Variants in SNCB observed in about 807,000 individuals in gnomAD.
SNCB encodes beta-synuclein.
A neutral mutation model predicts 20.0 loss-of-function variants in SNCB; 8 were observed. The ratio of observed to expected loss-of-function variants is 0.40; its 90% confidence interval spans 0.24 to 0.72. The LOEUF (loss-of-function observed/expected upper bound fraction) is 0.72, where lower values mean the gene tolerates loss of function less well. SNCB is among the 30% of genes least tolerant of loss of function. The pLI, the probability that SNCB is intolerant of heterozygous loss-of-function variation, is 0.37. For synonymous variants in SNCB, 56 were observed against 65.4 expected (o/e 0.86, Z 0.69); for missense variants, 125 against 168.0 (o/e 0.74, Z 1.41).
At chr5:176,625,887 T>G (rs950977571) in intron 4 of SNCB, among the ~76,000 whole-genome samples, 1 of 152,128 alleles carries the variant, frequency 6.6e-6, no homozygotes, top group African/African-American at 2.4e-5. Flanking sequence ...CTCTCACCCC[T>G]TGCCTGTCTG....
Position 176,629,427 on chromosome 5 carries a change from A to T in SNCB, c.121+107T>A. 8.3e-7 allele frequency: 1 copy of T among 1,206,760 alleles called. No homozygotes were observed. Among genetic ancestry groups the T allele is most frequent in the Middle Eastern group, 2.2e-4 (1 of 4,638 alleles). The allele number at this position is 1,206,760 out of a possible 1,614,324, so 74.8% of individuals were successfully genotyped here. A position where few individuals can be genotyped will look rare whatever the true frequency, so the allele number is the denominator to read the frequency against. On this transcript the variant is annotated intron_variant, in intron 2 of 5. Transcript: ENST00000393693. The surrounding 1 kb of genome is among the most constrained non-coding windows in gnomAD (Gnocchi z 4.1). ...CCTGCTGACCTCGCCCCATCTGCTGACTCATATTCTCCTGCCCAGAACCCC... is the reference window on the plus strand; with the variant it reads ...CCTGCTGACCTCGCCCCATCTGCTGTCTCATATTCTCCTGCCCAGAACCCC...
chr5:176,624,814 AAAAC>A lies in SNCB; in HGVS notation c.282+1580_282+1583del, dbSNP rs1358197012. Among the ~76,000 whole-genome samples, 719 of 150,042 alleles carry A rather than the reference AAAAC, an allele frequency of 4.8e-3. 11 individuals carry two copies. The highest frequency in any genetic ancestry group is 0.017 in the African/African-American group (688 of 39,978). On this transcript the variant is annotated intron_variant, in intron 4 of 5. Transcript: ENST00000393693. Reference sequence around the variant, plus strand: ...CAAAACTCCGTCTCAAAAAAAAAAAAAAACAAAAAAAAACAAATGGGAAGTCATA... The same window carrying A: ...CAAAACTCCGTCTCAAAAAAAAAAAAAAAAAAAAACAAATGGGAAGTCATA...
At position 176,626,544 on chromosome 5, in the gene SNCB, G is replaced by A; in HGVS notation, c.164-28C>T. On this transcript the variant is annotated intron_variant, in intron 3 of 5. Transcript: ENST00000393693. The surrounding 1 kb of genome is among the most constrained non-coding windows in gnomAD (Gnocchi z 4.2). Reference sequence around the variant, plus strand: ...GGAGCAGGGAGGGGGTTGAGGAAGGGGTTTGGGAGCCAGGGGGAAACACCG... The same window carrying A: ...GGAGCAGGGAGGGGGTTGAGGAAGGAGTTTGGGAGCCAGGGGGAAACACCG... The A allele has an allele frequency of 6.3e-7, 1 of 1,580,990 alleles. No individual in the cohort carries two copies. Among genetic ancestry groups the A allele is most frequent in the Non-Finnish European group, 8.7e-7 (1 of 1,149,890 alleles).
Position 176,629,718 on chromosome 5 carries a change from C to G in SNCB, c.-9-55G>C, listed in dbSNP as rs1760234009. On this transcript the variant is annotated intron_variant, in intron 1 of 5. Coordinates refer to ENST00000393693, the MANE Select transcript of SNCB (RefSeq NM_003085.5). The surrounding 1 kb of genome is among the most constrained non-coding windows in gnomAD (Gnocchi z 4.1). ...CACTGGCCCCGCACTCTCACCCCAG[C>G]CCCTCCCGCGGGACGCAGATGCCCC... The G allele has an allele frequency of 5.1e-6, 8 of 1,581,078 alleles. No individual in the cohort carries two copies. In the Admixed American group the frequency reaches 1.4e-4, roughly 27 times the overall value.
In SNCB at chr5:176,621,394, A is replaced by T; in HGVS notation, c.283-91T>A. 9.6e-7 allele frequency: 1 copy of T among 1,036,618 alleles called. No homozygotes were observed. The highest frequency in any genetic ancestry group is 1.5e-6 in the Non-Finnish European group (1 of 672,220). The allele number at this position is 1,036,618 out of a possible 1,614,324, so 64.2% of individuals were successfully genotyped here. On this transcript the variant is annotated intron_variant, in intron 4 of 5. Transcript: ENST00000393693. The surrounding 1 kb of genome is among the most constrained non-coding windows in gnomAD (Gnocchi z 4.1). ...AAGCTTTGGGTGGGTTGGAGTGGGG[A>T]AGGCTAGGGTGGGTTGGCAGAGCAA...
chr5:176,626,815 C>T lies in SNCB; in HGVS notation c.122-54G>A. 6.3e-7 allele frequency: 1 copy of T among 1,591,674 alleles called. No individual in the cohort carries two copies. The highest frequency in any genetic ancestry group is 2.2e-5 in the East Asian group (1 of 44,770). ...GGACTCTGCGCTGAGGGAACAGAAA[C>T]TCCAGCACAGCATGGTGATTACAGA... On this transcript the variant is annotated intron_variant, in intron 2 of 5. Transcript: ENST00000393693. The surrounding 1 kb of genome is among the most constrained non-coding windows in gnomAD (Gnocchi z 4.2).
rs1309356770 is a variant in SNCB at position 176,626,702 on chromosome 5, C to G, written c.163+18G>C. ...CGCCTAAGTGAGAGAAGGGCTGGTG[C>G]CAGGGCTGGGCTAGTACCTGAAGCC... On this transcript the variant is annotated intron_variant, in intron 3 of 5. Coordinates refer to ENST00000393693, the MANE Select transcript of SNCB (RefSeq NM_003085.5). This position sits in a 1 kb window ranked among gnomAD's most constrained non-coding sequence, Gnocchi z 4.2. 6.2e-7 allele frequency: 1 copy of G among 1,613,608 alleles called. No individual in the cohort carries two copies.
Position 176,629,796 on chromosome 5 carries a change from C to G in SNCB, c.-9-133G>C, listed in dbSNP as rs572338093. On this transcript the variant is annotated intron_variant, in intron 1 of 5. Coordinates refer to ENST00000393693, the MANE Select transcript of SNCB (RefSeq NM_003085.5). The surrounding 1 kb of genome is among the most constrained non-coding windows in gnomAD (Gnocchi z 4.1). ...TGGACCCTGAGCCCCCTCCCGCTTT[C>G]CCCCCATCCCACCCCACTCCCCAGT... 25 of 1,221,204 alleles carry G rather than the reference C, an allele frequency of 2.0e-5. No homozygotes were observed. Among genetic ancestry groups the G allele is most frequent in the Non-Finnish European group, 2.8e-5 (25 of 897,188 alleles). The allele number at this position is 1,221,204 out of a possible 1,614,324, so 75.6% of individuals were successfully genotyped here. A position where few individuals can be genotyped will look rare whatever the true frequency, so the allele number is the denominator to read the frequency against.
intron 4 of SNCB, among the ~76,000 whole-genome samples, chr5:176,624,987 T>C (rs1759852987): frequency 6.6e-6 from 1 of 152,130 alleles, no homozygotes; most frequent in South Asian, 2.1e-4. Flanking sequence ...GATGCACTCA[T>C]GCTGAACGTA....
chr5:176,628,384 C>A (rs1760108895), intron 2 of SNCB, among the ~76,000 whole-genome samples: 1 of 152,198 alleles, frequency 6.6e-6, no homozygotes, highest in Non-Finnish European at 1.5e-5. Context: ...CTCGCCCCTG[C>A]CACCCTCATC....
At position 176,620,722 on chromosome 5, in the gene SNCB, G is replaced by T. The variant is rs991668487; in HGVS notation, c.*89C>A. On this transcript the variant is annotated 3_prime_UTR_variant, in exon 6 of 6. Coordinates refer to ENST00000393693, the MANE Select transcript of SNCB (RefSeq NM_003085.5). The surrounding 1 kb of genome is among the most constrained non-coding windows in gnomAD (Gnocchi z 4.5). Reference sequence around the variant, plus strand: ...GCGGAAGGAAGATCTCGTGATTGGGGAGAAGGAGTCTAAGGACAGCCCTGG... The same window carrying T: ...GCGGAAGGAAGATCTCGTGATTGGGTAGAAGGAGTCTAAGGACAGCCCTGG... The T allele has an allele frequency of 1.1e-6, 1 of 889,024 alleles. No individual in the cohort carries two copies. The highest frequency in any genetic ancestry group is 1.3e-5 in the South Asian group (1 of 77,060). 55.1% of individuals were successfully genotyped at this position (889,024 alleles called of 1,614,324 possible).
chr5:176,620,694 A>C lies in SNCB; in HGVS notation c.*117T>G, dbSNP rs1308307955. 1.5e-5 allele frequency: 12 copies of C among 807,834 alleles called. No homozygotes were observed. The African/African-American group carries it at 2.0e-4, about 14-fold the overall frequency. The allele number at this position is 807,834 out of a possible 1,614,324, so 50.0% of individuals were successfully genotyped here. A position where few individuals can be genotyped will look rare whatever the true frequency, so the allele number is the denominator to read the frequency against. On this transcript the variant is annotated 3_prime_UTR_variant, in exon 6 of 6. Transcript: ENST00000393693. This position sits in a 1 kb window ranked among gnomAD's most constrained non-coding sequence, Gnocchi z 4.5. The stretch of plus-strand genomic sequence containing the variant: ...ACACAGGCTCCGAGGGGGTTGCCTC[A>C]GAGCGGAAGGAAGATCTCGTGATTG...
intron 2 of SNCB, among the ~76,000 whole-genome samples, chr5:176,627,098 G>A (rs1178711910): frequency 2.6e-5 from 4 of 152,210 alleles, no homozygotes; most frequent in African/African-American, 4.8e-5. Context: ...TATTGTCCCC[G>A]TTTCACGGAT....
chr5:176,626,592 A>T lies in SNCB; in HGVS notation c.164-76T>A. ...CCGATGCCCTGCCTTGTAGTATCCCAGGGCCTGCCCTCCCCACGGAGCATT... is the reference window on the plus strand; with the variant it reads ...CCGATGCCCTGCCTTGTAGTATCCCTGGGCCTGCCCTCCCCACGGAGCATT... On this transcript the variant is annotated intron_variant, in intron 3 of 5. Transcript: ENST00000393693. The surrounding 1 kb of genome is among the most constrained non-coding windows in gnomAD (Gnocchi z 4.2). 1 of 1,507,190 alleles carries T rather than the reference A, an allele frequency of 6.6e-7. No individual in the cohort carries two copies. Among genetic ancestry groups the T allele is most frequent in the Non-Finnish European group, 9.2e-7 (1 of 1,082,744 alleles). The allele number at this position is 1,507,190 out of a possible 1,614,324, so 93.4% of individuals were successfully genotyped here.
rs1358216476 is a variant in SNCB at position 176,626,973 on chromosome 5, C to T, written c.122-212G>A. 6.6e-6 allele frequency among the ~76,000 whole-genome samples: 1 copy of T among 152,194 alleles called. No individual in the cohort carries two copies. The highest frequency in any genetic ancestry group is 1.5e-5 in the Non-Finnish European group (1 of 68,024). ...TGCAAGGGTTGCAGTTCTCTCCCAC[C>T]TGATGCGATACCCCACCCCTCTAGT... On this transcript the variant is annotated intron_variant, in intron 2 of 5. Transcript: ENST00000393693. This position sits in a 1 kb window ranked among gnomAD's most constrained non-coding sequence, Gnocchi z 4.2.
At chr5:176,625,889 G>T (rs564271294) in intron 4 of SNCB, among the ~76,000 whole-genome samples, 22 of 152,202 alleles carry the variant, frequency 1.4e-4, no homozygotes, top group African/African-American at 5.1e-4. Flanking sequence ...CTCACCCCTT[G>T]CCTGTCTGTC....
intron 4 of SNCB, among the ~76,000 whole-genome samples, chr5:176,624,816 A>C (rs1471586653): frequency 2.0e-5 from 3 of 147,464 alleles, no homozygotes; most frequent in Non-Finnish European, 4.4e-5. Context: ...AAAAAAAAAA[A>C]ACAAAAAAAA....
intron 2 of SNCB, among the ~76,000 whole-genome samples, chr5:176,627,233 G>C (rs1760019240): frequency 6.6e-6 from 1 of 152,244 alleles, no homozygotes; most frequent in Non-Finnish European, 1.5e-5. Context: ...TAGGAGGCAG[G>C]TGGGGGTGGG....
Position 176,626,391 on chromosome 5 carries a change from C to T in SNCB, c.282+7G>A, listed in dbSNP as rs745922255. 2.6e-5 allele frequency: 40 copies of T among 1,556,070 alleles called. No homozygotes were observed. The Middle Eastern group carries it at 5.6e-4, about 22-fold the overall frequency. ...GCCTGCATGTGCGGGTCAGAAGGAT[C>T]GCTTACCTTCAGATCAGTAGGGAAT... is the stretch of plus-strand genomic sequence containing the variant. On this transcript the variant is annotated splice_region_variant and intron_variant, in intron 4 of 5. Transcript: ENST00000393693. This position sits in a 1 kb window ranked among gnomAD's most constrained non-coding sequence, Gnocchi z 4.2.
Sources: gnomAD v4.1 joint callset for allele counts (sites outside exome capture counted in the v4.1 genomes callset) on GRCh38, gnomAD v4.1.1 for gene constraint, Gnocchi (gnomAD v3.1) non-coding constraint, MANE v1.5 for transcripts, NCBI Gene and HGNC (gene_info 2026-07-23, HGNC 2026-07-21) for gene names.